Variants in SLC6A11 observed in about 807,000 individuals in gnomAD.
SLC6A11 encodes the protein solute carrier family 6 member 11, also known as sodium- and chloride-dependent GABA transporter 3.
A neutral mutation model predicts 74.8 loss-of-function variants in SLC6A11; 25 were observed. That is an observed-to-expected ratio of 0.33 (90% confidence interval 0.24 to 0.47). The LOEUF (loss-of-function observed/expected upper bound fraction) is 0.47. Among genes scored for constraint, SLC6A11 ranks in the 20% least tolerant of loss-of-function variants. The pLI, the probability that SLC6A11 is intolerant of heterozygous loss-of-function variation, is 1.00. For synonymous variants in SLC6A11, 330 were observed against 330.2 expected (o/e 1.00, Z 0.01); for missense variants, 574 against 837.0 (o/e 0.69, Z 3.88).
intron 4 of SLC6A11, among the ~76,000 whole-genome samples, chr3:10,840,690 G>A (rs1021564948): frequency 6.6e-6 from 1 of 152,226 alleles, no homozygotes; most frequent in Non-Finnish European, 1.5e-5. Context: ...GGCAGGTGAC[G>A]TTAGGGTTAT....
chr3:10,879,833 T>C (rs1444479648), intron 6 of SLC6A11, among the ~76,000 whole-genome samples: 3 of 152,164 alleles, frequency 2.0e-5, no homozygotes, highest in Non-Finnish European at 4.4e-5. Context: ...ACCTTCTGTG[T>C]ACCGACATGG....
rs560093892 is a variant in SLC6A11 at position 10,817,947 on chromosome 3, C to T, written c.256+1426C>T. 2.0e-5 allele frequency among the ~76,000 whole-genome samples: 3 copies of T among 152,132 alleles called. No individual in the cohort carries two copies. In the East Asian group the frequency reaches 5.8e-4, roughly 29 times the overall value. ...AAACCTGTGCACACCTAGGGTAGTC[C>T]CCAGGCACAAATTGTTTTAACATCT... On this transcript the variant is annotated intron_variant, in intron 1 of 13. Coordinates refer to ENST00000254488, the MANE Select transcript of SLC6A11 (RefSeq NM_014229.3).
rs143991553 is a variant in SLC6A11, at chr3:10,934,440, T to C, written c.1575+274T>C. ...GGTGCTGCATACGCAAATCGGGCGC[T>C]GGATCCGCCTCAGAGGGCCGAGGAC... On this transcript the variant is annotated intron_variant, in intron 12 of 13. Coordinates refer to ENST00000254488, the MANE Select transcript of SLC6A11 (RefSeq NM_014229.3). Among the ~76,000 whole-genome samples the C allele has an allele frequency of 5.1e-3, 772 of 152,296 alleles. 5 individuals are homozygous for C. The highest frequency in any genetic ancestry group is 0.017 in the African/African-American group (719 of 41,564).
chr3:10,816,398 A>G lies in SLC6A11; in HGVS notation c.133A>G (p.Lys45Glu), dbSNP rs1260716488. The change falls in exon 1 of 14, where the codon AAG becomes GAG. Residue 45 changes from lysine (K) to glutamate (E), a missense_variant. By Grantham distance (56) the Lys-to-Glu change is moderately conservative (BLOSUM62 1). This residue lies in a region of SLC6A11 where 86 missense variants were observed against 87.4 expected (regional missense o/e 0.98). Transcript: ENST00000254488. This position sits in a 1 kb window ranked among gnomAD's most constrained non-coding sequence, Gnocchi z 4.2. ...GCGCCACCCGCGCGTCAAGCGCGAC[A>G]AGGCGGTCCACGAGCGCGGCCACTG... ...PARHPRVKRD[K>E]AVHERGHWNN... 1.9e-6 allele frequency: 3 copies of G among 1,574,256 alleles called. No individual in the cohort carries two copies. The highest frequency in any genetic ancestry group is 2.4e-5 in the East Asian group (1 of 41,160).
intron 12 of SLC6A11, among the ~76,000 whole-genome samples, chr3:10,934,581 G>A (rs1322775461): frequency 1.3e-5 from 2 of 152,230 alleles, no homozygotes; most frequent in Non-Finnish European, 2.9e-5. Context: ...GGGCCTTTGT[G>A]AGCAGACATT....
chr3:10,841,132 T>A (rs1388633708), intron 4 of SLC6A11, among the ~76,000 whole-genome samples: 3 of 152,160 alleles, frequency 2.0e-5, no homozygotes, highest in Non-Finnish European at 4.4e-5. Flanking sequence ...ATATTACTTA[T>A]GTAAATGGAT....
chr3:10,860,994 T>G (rs1174382716), intron 5 of SLC6A11, among the ~76,000 whole-genome samples: 1 of 152,128 alleles, frequency 6.6e-6, no homozygotes, highest in Non-Finnish European at 1.5e-5. Flanking sequence ...CATTGGTGGC[T>G]CCTAAACCCA....
intron 4 of SLC6A11, among the ~76,000 whole-genome samples, chr3:10,830,093 A>G (rs1431545579): frequency 2.0e-5 from 3 of 151,904 alleles, no homozygotes; most frequent in Admixed American, 6.6e-5. Context: ...TTGAATTACG[A>G]GGTAACAGAT....
At chr3:10,857,149 G>C (rs550167108) in intron 5 of SLC6A11, among the ~76,000 whole-genome samples, 1 of 152,266 alleles carries the variant, frequency 6.6e-6, no homozygotes, top group South Asian at 2.1e-4. Flanking sequence ...GTCTGTGTTG[G>C]TACCGAGTTT....
intron 5 of SLC6A11, among the ~76,000 whole-genome samples, chr3:10,857,157 T>C (rs1247470439): frequency 6.6e-6 from 1 of 151,872 alleles, no homozygotes; most frequent in Non-Finnish European, 1.5e-5. Context: ...TGGTACCGAG[T>C]TTGGATAAGG....
chr3:10,917,876 G>A (rs897709476), intron 7 of SLC6A11, among the ~76,000 whole-genome samples: 1 of 152,164 alleles, frequency 6.6e-6, no homozygotes, highest in African/African-American at 2.4e-5. Flanking sequence ...GGCTGCCGGA[G>A]CTTCAGGTGC....
chr3:10,865,364 G>C (rs1389938411), intron 5 of SLC6A11, among the ~76,000 whole-genome samples: 1 of 152,160 alleles, frequency 6.6e-6, no homozygotes, highest in Non-Finnish European at 1.5e-5. Flanking sequence ...AACTGGCAGA[G>C]AAGGCTAAAC....
intron 5 of SLC6A11, among the ~76,000 whole-genome samples, chr3:10,857,683 T>C (rs1308235239): frequency 6.6e-6 from 1 of 152,218 alleles, no homozygotes; most frequent in African/African-American, 2.4e-5. Flanking sequence ...GCTTACTCTA[T>C]GCCAGCCTTG....
chr3:10,872,460 G>A (rs1694838896), intron 5 of SLC6A11, among the ~76,000 whole-genome samples: 1 of 152,128 alleles, frequency 6.6e-6, no homozygotes, highest in Non-Finnish European at 1.5e-5. Context: ...ACACTTCTTT[G>A]GAGAAGCCCT....
At chr3:10,835,038 G>C (rs1191843625) in intron 4 of SLC6A11, among the ~76,000 whole-genome samples, 2 of 152,186 alleles carry the variant, frequency 1.3e-5, no homozygotes, top group Non-Finnish European at 2.9e-5. Flanking sequence ...CAAACTCCTT[G>C]TGCAGGGCTG....
rs1419602402 is a variant in SLC6A11, at chr3:10,823,314, A to G, written c.545A>G (p.Glu182Gly). The G allele has an allele frequency of 1.9e-6, 3 of 1,610,712 alleles. No individual in the cohort carries two copies. Among genetic ancestry groups the G allele is most frequent in the Non-Finnish European group, 2.5e-6 (3 of 1,177,066 alleles). ...GTTTCCACTGTAGAGAATTGTGTGG[A>G]GTTCCAGAAACTGAATGTGAGCAAC... ...GHEWNTENCV[E>G]FQKLNVSNYS... The change falls in exon 4 of 14, where the codon GAG becomes GGG. Residue 182 changes from glutamate to glycine, a missense_variant. This residue lies in a region of SLC6A11 where 215 missense variants were observed against 357.9 expected (regional missense o/e 0.60). Coordinates refer to ENST00000254488, the MANE Select transcript of SLC6A11 (RefSeq NM_014229.3).
intron 4 of SLC6A11, among the ~76,000 whole-genome samples, chr3:10,840,342 T>C (rs1056725297): frequency 9.9e-5 from 15 of 152,142 alleles, no homozygotes; most frequent in Non-Finnish European, 1.3e-4. Flanking sequence ...ACTTTCCTTC[T>C]ACCCTTCAGG....
rs554810543 is a variant in SLC6A11 at position 10,915,998 on chromosome 3, C to T, written c.996-2331C>T. ...CCCTCAGCCTCAGGATTCAGTGAAACCTAGTCCACGGCTGGCATACTGCAG... is the reference window on the plus strand; with the variant it reads ...CCCTCAGCCTCAGGATTCAGTGAAATCTAGTCCACGGCTGGCATACTGCAG... On this transcript the variant is annotated intron_variant, in intron 7 of 13. Transcript: ENST00000254488. This position sits in a 1 kb window ranked among gnomAD's most constrained non-coding sequence, Gnocchi z 4.3. Among the ~76,000 whole-genome samples, 1 of 152,168 alleles carries T rather than the reference C, an allele frequency of 6.6e-6. No homozygotes were observed. Among genetic ancestry groups the T allele is most frequent in the Admixed American group, 6.5e-5 (1 of 15,284 alleles).
intron 6 of SLC6A11, among the ~76,000 whole-genome samples, chr3:10,880,348 C>A (rs955334096): frequency 6.6e-6 from 1 of 152,186 alleles, no homozygotes; most frequent in African/African-American, 2.4e-5. Context: ...AATTGCACCA[C>A]GAAGAAAAGT....
Sources: allele counts gnomAD v4.1 joint callset (sites outside exome capture counted in the v4.1 genomes callset), GRCh38; gene constraint gnomAD v4.1.1; regional missense constraint gnomAD v4.1.1; non-coding constraint Gnocchi (gnomAD v3.1); transcripts MANE v1.5; gene names NCBI Gene and HGNC (gene_info 2026-07-23, HGNC 2026-07-21).